Variants in TTC39C observed in about 807,000 individuals in gnomAD.
TTC39C encodes the protein tetratricopeptide repeat domain 39C, also known as tetratricopeptide repeat protein 39C.
A neutral mutation model predicts 76.3 loss-of-function variants in TTC39C; 33 were observed. That is an observed-to-expected ratio of 0.43 (90% CI 0.33 to 0.58). The LOEUF (loss-of-function observed/expected upper bound fraction) is 0.58. TTC39C is among the 20% of genes least tolerant of loss of function. The probability of loss-of-function intolerance (pLI) is 0.04; values close to 1 mark genes in which losing one functional copy is unlikely to be tolerated. For missense variants in TTC39C, 595 were observed against 701.4 expected (o/e 0.85, Z 1.71); for synonymous variants, 254 against 260.6 (o/e 0.97, Z 0.24).
chr18:24,070,332 C>G (rs1384600573), intron 4 of TTC39C, among the ~76,000 whole-genome samples: 1 of 152,194 alleles, frequency 6.6e-6, no homozygotes, highest in Non-Finnish European at 1.5e-5. Flanking sequence ...CAGGACTCTT[C>G]TAACAATACC....
At chr18:24,063,778 T>G (rs2084130865) in intron 1 of TTC39C, among the ~76,000 whole-genome samples, 1 of 152,150 alleles carries the variant, frequency 6.6e-6, no homozygotes, top group Non-Finnish European at 1.5e-5. Flanking sequence ...CCTCCCAAAG[T>G]GCTGGGATTA....
intron 1 of TTC39C, among the ~76,000 whole-genome samples, chr18:24,000,952 C>T (rs928989872): frequency 1.3e-5 from 2 of 152,162 alleles, no homozygotes; most frequent in African/African-American, 4.8e-5. Flanking sequence ...TCAAGGTCAA[C>T]AGACCTCCCC....
At chr18:24,098,841 A>G (rs1489201531) in intron 6 of TTC39C, among the ~76,000 whole-genome samples, 1 of 151,850 alleles carries the variant, frequency 6.6e-6, no homozygotes, top group Non-Finnish European at 1.5e-5. Context: ...CATGTTGGCC[A>G]GGCTGGTATC....
rs574316983 is a variant in TTC39C at position 24,071,202 on chromosome 18, C to T, written c.460+1931C>T. Among the ~76,000 whole-genome samples, 5 of 152,302 alleles carry T rather than the reference C, an allele frequency of 3.3e-5. No individual in the cohort carries two copies. The South Asian group carries it at 1.0e-3, about 32-fold the overall frequency. On this transcript the variant is annotated intron_variant, in intron 4 of 13. Coordinates refer to ENST00000317571, the MANE Select transcript of TTC39C (RefSeq NM_001135993.2). ...TCGGCCTCCCAAAGTGCTGGCATTA[C>T]AGGTGTGAGCTGCCGTGCCCAGCCA...
At chr18:23,996,070 T>C (rs992642843) in intron 1 of TTC39C, among the ~76,000 whole-genome samples, 2 of 152,244 alleles carry the variant, frequency 1.3e-5, no homozygotes, top group Admixed American at 6.5e-5. Context: ...CTTGCCAACA[T>C]TTGATATTGT....
intron 1 of TTC39C, among the ~76,000 whole-genome samples, chr18:24,023,954 A>C (rs56181681): frequency 4.2e-3 from 49 of 11,790 alleles, no homozygotes; most frequent in East Asian, 0.013. Context: ...ATGCATGTAT[A>C]TATATATATA....
intron 1 of TTC39C, among the ~76,000 whole-genome samples, chr18:24,030,498 G>A (rs1009988620): frequency 1.3e-5 from 2 of 152,134 alleles, no homozygotes; most frequent in Non-Finnish European, 2.9e-5. Context: ...AATCATACAA[G>A]TCTGTTGATC....
rs1433433826 is a variant in TTC39C at position 24,087,242 on chromosome 18, A to G, written c.984+4161A>G. On this transcript the variant is annotated intron_variant, in intron 6 of 13. Coordinates refer to ENST00000317571, the MANE Select transcript of TTC39C (RefSeq NM_001135993.2). Reference sequence around the variant, plus strand: ...ATTAAGATACAAGCAATTAATGAGTATTTTTCTTGATTATTTTTACAATAT... The same window carrying G: ...ATTAAGATACAAGCAATTAATGAGTGTTTTTCTTGATTATTTTTACAATAT... Among the ~76,000 whole-genome samples the G allele has an allele frequency of 2.0e-5, 3 of 152,202 alleles. No homozygotes were observed. In the East Asian group the frequency reaches 5.8e-4, roughly 29 times the overall value.
chr18:24,044,695 G>A (rs559144175), intron 1 of TTC39C, among the ~76,000 whole-genome samples: 1 of 152,238 alleles, frequency 6.6e-6, no homozygotes, highest in Non-Finnish European at 1.5e-5. Context: ...AAACGAAGAC[G>A]TACCTGTGGG....
At chr18:24,038,983 A>T (rs1324395864) in intron 1 of TTC39C, among the ~76,000 whole-genome samples, 1 of 152,132 alleles carries the variant, frequency 6.6e-6, no homozygotes, top group Non-Finnish European at 1.5e-5. Flanking sequence ...ATATAGTCAA[A>T]TTAGGGGTTA....
chr18:24,074,741 G>A (rs1460448375), intron 4 of TTC39C, among the ~76,000 whole-genome samples: 1 of 152,148 alleles, frequency 6.6e-6, no homozygotes, highest in Non-Finnish European at 1.5e-5. Flanking sequence ...AAGACAGTGT[G>A]GCGACTCCTC....
chr18:24,023,135 A>AG (rs1035495769), intron 1 of TTC39C, among the ~76,000 whole-genome samples: 3 of 152,164 alleles, frequency 2.0e-5, no homozygotes, highest in African/African-American at 7.2e-5. Context: ...AGTGCAGCCC[A>AG]GGAGGCGGCT....
intron 1 of TTC39C, among the ~76,000 whole-genome samples, chr18:24,062,764 C>T (rs1441074674): frequency 1.3e-5 from 2 of 152,222 alleles, no homozygotes; most frequent in African/African-American, 2.4e-5. Context: ...CTCACACACA[C>T]TGTCTTTCTC....
chr18:24,076,970 A>T (rs1026494700), intron 4 of TTC39C: 130 of 152,318 alleles, frequency 8.5e-4, no homozygotes, highest in African/African-American at 3.0e-3. Context: ...GTTTGTTTCC[A>T]GTTCTACCAT....
chr18:24,060,600 G>A (rs2043027), intron 1 of TTC39C, among the ~76,000 whole-genome samples: 93,287 of 152,036 alleles, frequency 0.61, 30,949 homozygotes, highest in Middle Eastern at 0.8. Flanking sequence ...GAGCCACTGC[G>A]CCTGGCCGTA....
intron 1 of TTC39C, chr18:23,994,407 T>A (rs2083243804): frequency 6.6e-6 from 1 of 152,122 alleles, no homozygotes; most frequent in Non-Finnish European, 1.5e-5. Context: ...GGTTGGCAGA[T>A]GTTTTACAAA....
chr18:23,997,573 AAAGAG>A (rs1386568744), intron 1 of TTC39C, among the ~76,000 whole-genome samples: 3 of 146,880 alleles, frequency 2.0e-5, no homozygotes, highest in African/African-American at 7.7e-5. Context: ...AAAAAAAAAA[AAAGAG>A]AAAGAAAGAA....
intron 1 of TTC39C, among the ~76,000 whole-genome samples, chr18:24,023,710 C>T (rs2083543047): frequency 6.6e-6 from 1 of 151,806 alleles, no homozygotes; most frequent in African/African-American, 2.4e-5. Context: ...CCAGATCCTG[C>T]ATTTCAGGAA....
intron 1 of TTC39C, among the ~76,000 whole-genome samples, chr18:24,021,107 G>A (rs2083512297): frequency 1.3e-5 from 2 of 152,166 alleles, no homozygotes; most frequent in South Asian, 2.1e-4. Context: ...CAGTGGGACT[G>A]GAAGAGGCTA....
Sources: gnomAD v4.1 joint callset for allele counts (sites outside exome capture counted in the v4.1 genomes callset) on GRCh38, gnomAD v4.1.1 for gene constraint, MANE v1.5 for transcripts, NCBI Gene and HGNC (gene_info 2026-07-23, HGNC 2026-07-21) for gene names.